Variants in ATP10B observed in about 807,000 individuals in gnomAD.
ATP10B encodes the protein ATPase phospholipid transporting 10B (putative).
In ATP10B, 122 loss-of-function variants were observed where a neutral mutation model predicts 141.2. The ratio of observed to expected loss-of-function variants is 0.86; its 90% CI spans 0.75 to 1.00. The LOEUF is 1.00. ATP10B is among the 50% of genes least tolerant of loss of function. The pLI is 0.00. For synonymous variants in ATP10B, 685 were observed against 692.0 expected (o/e 0.99, Z 0.16); for missense variants, 1,876 against 1,825.3 (o/e 1.03, Z -0.51).
chr5:160,718,673 G>A (rs1765797806), intron 2 of ATP10B, among the ~76,000 whole-genome samples: 1 of 152,024 alleles, frequency 6.6e-6, no homozygotes, highest in Non-Finnish European at 1.5e-5. Flanking sequence ...CACTCTCATG[G>A]GAACTAATCC....
chr5:160,609,978 C>T (rs372625754), intron 18 of ATP10B, among the ~76,000 whole-genome samples: 1 of 152,184 alleles, frequency 6.6e-6, no homozygotes, highest in Non-Finnish European at 1.5e-5. Flanking sequence ...TTATTTCCAG[C>T]TTTTAAAGTA....
intron 1 of ATP10B, among the ~76,000 whole-genome samples, chr5:160,793,437 T>C (rs1771729680): frequency 6.6e-6 from 1 of 152,210 alleles, no homozygotes; most frequent in African/African-American, 2.4e-5. Context: ...TCAACAATTG[T>C]GTGGTGTAAC....
At chr5:160,590,401 T>C (rs904996430) in intron 23 of ATP10B, among the ~76,000 whole-genome samples, 21 of 152,114 alleles carry the variant, frequency 1.4e-4, no homozygotes, top group Admixed American at 1.4e-3. Context: ...AGCCCAGAGG[T>C]TGGATAAGCA....
the ATP10B span, among the ~76,000 whole-genome samples, chr5:160,880,026 T>C: frequency 6.6e-6 from 1 of 151,562 alleles, no homozygotes; most frequent in Non-Finnish European, 1.5e-5. Flanking sequence ...AATGAAATTC[T>C]TCTGTATAAA....
the ATP10B span, among the ~76,000 whole-genome samples, chr5:160,868,412 A>G: frequency 1.3e-5 from 2 of 152,070 alleles, no homozygotes; most frequent in African/African-American, 4.8e-5. Context: ...ACATACATTG[A>G]ACATTTTACT....
At chr5:160,620,047 G>A (rs1016647400) in intron 15 of ATP10B, among the ~76,000 whole-genome samples, 1 of 152,332 alleles carries the variant, frequency 6.6e-6, no homozygotes, top group African/African-American at 2.4e-5. Flanking sequence ...GCAAAAGACT[G>A]TGTGGATAAT....
intron 24 of ATP10B, among the ~76,000 whole-genome samples, chr5:160,587,223 C>T (rs1201915953): frequency 1.3e-5 from 2 of 152,128 alleles, no homozygotes; most frequent in African/African-American, 2.4e-5. Context: ...ATCTTTTCCC[C>T]ATTGCTAGTT....
chr5:160,620,525 C>T lies in ATP10B; in HGVS notation c.2238G>A (p.Val746=). The change falls in exon 15 of 26, where the codon GTG becomes GTA. Residue 746 remains valine, a synonymous_variant. Coordinates refer to ENST00000327245, the MANE Select transcript of ATP10B (RefSeq NM_025153.3). ...AGGTGCCCTGGGGCAGGCGCACAGT[C>T]ACCTGCTCAGGTGTCCGGGACACTA... The part of the protein sequence containing the change: ...FTLVSRTPEQ[V]TVRLPQGTCL... 2 of 1,614,172 alleles carry T rather than the reference C, an allele frequency of 1.2e-6. No individual in the cohort carries two copies. Among genetic ancestry groups the T allele is most frequent in the Non-Finnish European group, 1.7e-6 (2 of 1,180,006 alleles).
At chr5:160,656,329 A>G (rs1258059039) in intron 7 of ATP10B, among the ~76,000 whole-genome samples, 1 of 152,148 alleles carries the variant, frequency 6.6e-6, no homozygotes, top group Admixed American at 6.5e-5. Context: ...CCTGCCCATT[A>G]AACACTCCCA....
intron 1 of ATP10B, among the ~76,000 whole-genome samples, chr5:160,844,849 CTTATG>C (rs1298276911): frequency 2.6e-5 from 4 of 152,130 alleles, no homozygotes; most frequent in East Asian, 1.9e-4. Flanking sequence ...CTGACCAATA[CTTATG>C]TTATAATAAC....
chr5:160,589,914 G>A (rs1031455670), intron 23 of ATP10B, among the ~76,000 whole-genome samples: 10 of 152,154 alleles, frequency 6.6e-5, no homozygotes, highest in African/African-American at 2.4e-4. Flanking sequence ...GCCAAGATGG[G>A]GATTGTGAAA....
intron 1 of ATP10B, among the ~76,000 whole-genome samples, chr5:160,826,006 G>C (rs560623211): frequency 1.3e-5 from 2 of 152,268 alleles, no homozygotes; most frequent in South Asian, 4.1e-4. Context: ...CTTTATGGCT[G>C]CATAGTATTC....
the ATP10B span, among the ~76,000 whole-genome samples, chr5:160,898,850 A>G: frequency 6.6e-6 from 1 of 152,178 alleles, no homozygotes; most frequent in African/African-American, 2.4e-5. Context: ...TTGCAGGGAC[A>G]TGGATGAAGC....
At chr5:160,733,841 C>T (rs1766917782) in intron 2 of ATP10B, among the ~76,000 whole-genome samples, 1 of 151,744 alleles carries the variant, frequency 6.6e-6, no homozygotes, top group Non-Finnish European at 1.5e-5. Context: ...CACGGTGGCT[C>T]ATGCCTGTAA....
chr5:160,884,475 TA>T, the ATP10B span, among the ~76,000 whole-genome samples: 10 of 152,170 alleles, frequency 6.6e-5, no homozygotes, highest in Non-Finnish European at 1.3e-4. Context: ...TTTTTCTTTT[TA>T]AGTTTCCTTT....
rs1349902717 is a variant in ATP10B at position 160,820,541 on chromosome 5, TGA to T, written c.-576+31398_-576+31399del. ...AAGAAATACTTCCAAACTCATTCTG[TGA>T]AGCCAGTATTACTCTGATACCAAAA... On this transcript the variant is annotated intron_variant, in intron 1 of 25. Transcript: ENST00000327245. Among the ~76,000 whole-genome samples, 1,061 of 152,256 alleles carry T rather than the reference TGA, an allele frequency of 7.0e-3. 16 individuals are homozygous for T. The highest frequency in any genetic ancestry group is 0.024 in the African/African-American group (1,000 of 41,548).
chr5:160,608,548 AG>A (rs1757532800), intron 18 of ATP10B, among the ~76,000 whole-genome samples: 1 of 152,108 alleles, frequency 6.6e-6, no homozygotes, highest in South Asian at 2.1e-4. Context: ...GCCCACCGAT[AG>A]TGTAAAAGCA....
the ATP10B span, among the ~76,000 whole-genome samples, chr5:160,904,731 A>G: frequency 6.6e-6 from 1 of 152,190 alleles, no homozygotes; most frequent in Non-Finnish European, 1.5e-5. Context: ...AGCTATTATA[A>G]TCATAGGAAC....
In ATP10B at chr5:160,584,755, C is replaced by A. The variant is rs192946533; in HGVS notation, c.3750+4837G>T. Among the ~76,000 whole-genome samples, 231 of 152,088 alleles carry A rather than the reference C, an allele frequency of 1.5e-3. No individual in the cohort carries two copies. In the South Asian group the frequency reaches 0.018, roughly 12 times the overall value. ...TTTACATTCTTGCAGAAGTATGTTC[C>A]TTTTTTTGTGAGGGCCTATGGGTAG... On this transcript the variant is annotated intron_variant, in intron 24 of 25. Coordinates refer to ENST00000327245, the MANE Select transcript of ATP10B (RefSeq NM_025153.3).
Sources: gnomAD v4.1 joint callset for allele counts (sites outside exome capture counted in the v4.1 genomes callset) on GRCh38, gnomAD v4.1.1 for gene constraint, MANE v1.5 for transcripts, NCBI Gene and HGNC (gene_info 2026-07-23, HGNC 2026-07-21) for gene names.